The following MAD1L1 variants were observed in gnomAD, a reference collection of about 807,000 sequenced individuals.
The protein encoded by MAD1L1 is mitotic arrest deficient 1 like 1.
A neutral mutation model predicts 96.9 loss-of-function variants in MAD1L1; 95 were observed. The observed-to-expected ratio is 0.98, with a 90% confidence interval of 0.83 to 1.16. MAD1L1 has a LOEUF of 1.16. MAD1L1 is among the 50% of genes most tolerant of loss of function. MAD1L1 has a pLI of 0.00. For missense variants in MAD1L1, 1,007 were observed against 954.4 expected (o/e 1.06, Z -0.73); for synonymous variants, 473 against 396.6 (o/e 1.19, Z -2.29).
chr7:1,865,711 T>A (rs1040047114), intron 18 of MAD1L1, among the ~76,000 whole-genome samples: 1 of 152,204 alleles, frequency 6.6e-6, no homozygotes, highest in Non-Finnish European at 1.5e-5. Context: ...GTGAACTAAT[T>A]AAGTTTGCAC....
At chr7:1,997,722 G>C (rs1235930254) in intron 14 of MAD1L1, among the ~76,000 whole-genome samples, 1 of 152,252 alleles carries the variant, frequency 6.6e-6, no homozygotes, top group Non-Finnish European at 1.5e-5. Flanking sequence ...CGGGGGGCAG[G>C]GGAGGGAGGC....
intron 18 of MAD1L1, among the ~76,000 whole-genome samples, chr7:1,823,794 C>T (rs111571882): frequency 2.0e-5 from 3 of 152,146 alleles, no homozygotes; most frequent in Admixed American, 6.5e-5. Flanking sequence ...GATGAGAAGC[C>T]GCAGCTGCTG....
chr7:2,081,154 G>A (rs985822535), intron 11 of MAD1L1, among the ~76,000 whole-genome samples: 8 of 152,076 alleles, frequency 5.3e-5, no homozygotes, highest in East Asian at 1.9e-4. Context: ...CAGAGCCAGC[G>A]GGAAGGGTGT....
chr7:2,227,100 C>A (rs1793941524), intron 3 of MAD1L1, among the ~76,000 whole-genome samples: 2 of 152,002 alleles, frequency 1.3e-5, no homozygotes, highest in South Asian at 4.1e-4. Context: ...TTGAGACCAG[C>A]CTGGCCAACA....
rs1229264415 is a variant in MAD1L1, at chr7:1,936,725, G to A, written c.1769C>T (p.Ala590Val). 3.8e-6 allele frequency: 6 copies of A among 1,562,296 alleles called. No individual in the cohort carries two copies. Among genetic ancestry groups the A allele is most frequent in the Non-Finnish European group, 5.2e-6 (6 of 1,154,514 alleles). Residue 590 changes from alanine to valine, a missense_variant, in exon 17 of 19, where the codon GCT becomes GTT. Physicochemically the swap from Ala to Val is moderately conservative, Grantham distance 64 (BLOSUM62 0). Transcript: ENST00000265854. ...RGGTVPADLE[A>V]AAASLPSSKE... ...GGACGATGGCAGACTCGCGGCGGCA[G>A]CCTCAAGGTCGGCTGGGACGGTGCC...
intron 17 of MAD1L1, among the ~76,000 whole-genome samples, chr7:1,906,992 C>A (rs1274247723): frequency 6.6e-6 from 1 of 152,212 alleles, no homozygotes; most frequent in African/African-American, 2.4e-5. Flanking sequence ...AAAATCAAGG[C>A]AGGCCGAAGA....
chr7:2,023,395 C>T (rs1471798547), intron 12 of MAD1L1, among the ~76,000 whole-genome samples: 2 of 152,130 alleles, frequency 1.3e-5, no homozygotes, highest in African/African-American at 4.8e-5. Flanking sequence ...TGAAAAATCC[C>T]AAGATATTTG....
rs188787135 is a variant in MAD1L1, at chr7:1,856,580, G to A, written c.1999-40352C>T. The stretch of plus-strand genomic sequence containing the variant: ...TGCTTATCACCCGCGGCCTGTATCC[G>A]CTGCGTGCTGTGTGAGCAGAGATAA... On this transcript the variant is annotated intron_variant, in intron 18 of 18. Transcript: ENST00000265854. Among the ~76,000 whole-genome samples, 783 of 152,326 alleles carry A rather than the reference G, an allele frequency of 5.1e-3. 1 individual carries two copies. The highest frequency in any genetic ancestry group is 9.1e-3 in the Non-Finnish European group (621 of 68,018).
chr7:2,169,660 G>T (rs1216117745), intron 10 of MAD1L1, among the ~76,000 whole-genome samples: 1 of 152,222 alleles, frequency 6.6e-6, no homozygotes, highest in Non-Finnish European at 1.5e-5. Context: ...AGCGGGTCAA[G>T]GTGCCAGGAC....
chr7:2,161,740 G>A (rs929675810), intron 10 of MAD1L1, among the ~76,000 whole-genome samples: 20 of 149,918 alleles, frequency 1.3e-4, no homozygotes, highest in African/African-American at 4.9e-4. Context: ...TGTGAAGAGC[G>A]CCTCTGCCTG....
chr7:2,232,687 G>A (rs1794266890), intron 1 of MAD1L1, among the ~76,000 whole-genome samples, 185 bp downstream of exon 1: 1 of 152,168 alleles, frequency 6.6e-6, no homozygotes, highest in Non-Finnish European at 1.5e-5. Flanking sequence ...GAGGAGGGGA[G>A]AGCACAGAGA....
chr7:2,074,237 AGAAGCCAC>A (rs1785273783), intron 11 of MAD1L1, among the ~76,000 whole-genome samples: 1 of 152,166 alleles, frequency 6.6e-6, no homozygotes, highest in Non-Finnish European at 1.5e-5. Context: ...TCTCAAGCAA[AGAAGCCAC>A]GCGTGTGGCA....
At chr7:2,006,740 C>T (rs1171512542) in intron 13 of MAD1L1, among the ~76,000 whole-genome samples, 1 of 151,986 alleles carries the variant, frequency 6.6e-6, no homozygotes, top group Non-Finnish European at 1.5e-5. Flanking sequence ...ATTGGGGTCC[C>T]GAGAGACCCA....
In MAD1L1 at chr7:1,945,055, G is replaced by A. The variant is rs117981070; in HGVS notation, c.1597-8158C>T. ...GCCACTGGGAGAGACAGTGGACACC[G>A]AGACCCTCCCGCTAGATGGGGGCTG... is the stretch of plus-strand genomic sequence containing the variant. On this transcript the variant is annotated intron_variant, in intron 16 of 18. Transcript: ENST00000265854. Among the ~76,000 whole-genome samples the A allele has an allele frequency of 6.9e-4, 105 of 152,300 alleles. 1 individual carries two copies. In the East Asian group the frequency reaches 0.011, roughly 16 times the overall value.
chr7:2,011,803 C>T (rs1584075074), intron 13 of MAD1L1, among the ~76,000 whole-genome samples: 1 of 151,820 alleles, frequency 6.6e-6, no homozygotes, highest in East Asian at 1.9e-4. Context: ...GCAGCCGATA[C>T]CGTGGCTGTC....
At chr7:1,933,368 A>G (rs13244345) in intron 17 of MAD1L1, among the ~76,000 whole-genome samples, 52,429 of 152,072 alleles carry the variant, frequency 0.34, 10,600 homozygotes, top group Admixed American at 0.52. Context: ...TTTCCACCAT[A>G]GCCTACAGGG....
chr7:2,222,736 G>A lies in MAD1L1; in HGVS notation c.310C>T (p.Gln104Ter). Residue 104 changes from glutamine (Q) to a stop codon, truncating the protein, a stop_gained, in exon 5 of 19, where the codon CAG becomes TAG. Coordinates refer to ENST00000265854, the MANE Select transcript of MAD1L1 (RefSeq NM_001013836.2). LOFTEE classifies it high-confidence loss of function. ...RNYEREVDRN[Q>*]ELLTRIRQLQ... ...TGCCGGATGCGCGTCAGGAGCTCCT[G>A]GTTGCGGTCGACCTCACGCTGTTAA... 6.2e-7 allele frequency: 1 copy of A among 1,603,716 alleles called. No homozygotes were observed.
chr7:2,006,326 G>T (rs1253410418), intron 13 of MAD1L1, among the ~76,000 whole-genome samples: 1 of 152,158 alleles, frequency 6.6e-6, no homozygotes, highest in Non-Finnish European at 1.5e-5. Flanking sequence ...GGGCAGGAGG[G>T]AGTTGGGAGA....
intron 12 of MAD1L1, among the ~76,000 whole-genome samples, chr7:2,054,417 G>C (rs575138512): frequency 6.6e-6 from 1 of 152,172 alleles, no homozygotes; most frequent in South Asian, 2.1e-4. Flanking sequence ...TGATTTCACC[G>C]TATTTCCTAA....
Sources: gnomAD v4.1 joint callset for allele counts (sites outside exome capture counted in the v4.1 genomes callset) on GRCh38, gnomAD v4.1.1 for gene constraint, MANE v1.5 for transcripts, NCBI Gene and HGNC (gene_info 2026-07-23, HGNC 2026-07-21) for gene names.